PDE4D: variants seen among roughly 807,000 people sequenced by gnomAD.
The protein encoded by PDE4D is phosphodiesterase 4D, also known as 3',5'-cyclic-AMP phosphodiesterase 4D.
A neutral mutation model predicts 87.4 loss-of-function variants in PDE4D; 24 were observed. The ratio of observed to expected loss-of-function variants is 0.27; its 90% confidence interval spans 0.20 to 0.39. The LOEUF is 0.39. PDE4D is among the 10% of genes least tolerant of loss of function. The probability of loss-of-function intolerance (pLI) is 1.00; values close to 1 mark genes in which losing one functional copy is unlikely to be tolerated. For missense variants in PDE4D, 714 were observed against 1,041.0 expected, an observed-to-expected ratio of 0.69 and a Z score of 4.32; for synonymous variants, 384 against 383.2, an observed-to-expected ratio of 1.00 and a Z score of -0.02.
At chr5:60,147,181 G>A (rs557159590) in intron 2 of PDE4D, among the ~76,000 whole-genome samples, 54 of 152,220 alleles carry the variant, frequency 3.5e-4, no homozygotes, top group Non-Finnish European at 4.3e-4. Flanking sequence ...CAGGCAAAGC[G>A]TGAACTCTCT....
chr5:59,106,385 T>C (rs905936092), intron 5 of PDE4D, among the ~76,000 whole-genome samples: 4 of 152,248 alleles, frequency 2.6e-5, no homozygotes, highest in Non-Finnish European at 5.9e-5. Context: ...GATTTCTCAG[T>C]CACTTCTGTA....
chr5:59,726,924 T>C (rs1446548279), intron 1 of PDE4D, among the ~76,000 whole-genome samples: 1 of 152,016 alleles, frequency 6.6e-6, no homozygotes, highest in African/African-American at 2.4e-5. Context: ...TTCAACAGAG[T>C]TGAGCGCCTG....
chr5:60,292,170 A>C (rs928562740), intron 1 of PDE4D, among the ~76,000 whole-genome samples: 49 of 152,180 alleles, frequency 3.2e-4, no homozygotes, highest in African/African-American at 1.2e-3. Context: ...ATAGAAAAAC[A>C]CATTATTTAA....
chr5:59,438,545 T>G (rs1401513991), intron 1 of PDE4D, among the ~76,000 whole-genome samples: 1 of 152,338 alleles, frequency 6.6e-6, no homozygotes, highest in East Asian at 1.9e-4. Flanking sequence ...TACTCTTCAG[T>G]TTGTCTGAAT....
intron 1 of PDE4D, among the ~76,000 whole-genome samples, chr5:60,352,481 GA>G (rs1759287802): frequency 6.6e-6 from 1 of 152,228 alleles, no homozygotes; most frequent in Non-Finnish European, 1.5e-5. Flanking sequence ...GGCCACAAAA[GA>G]GAGTAAAACT....
chr5:60,209,848 A>C (rs1037559346), intron 1 of PDE4D, among the ~76,000 whole-genome samples: 1 of 152,176 alleles, frequency 6.6e-6, no homozygotes, highest in Non-Finnish European at 1.5e-5. Flanking sequence ...TGTTTGCTTT[A>C]AGTTGGGAAA....
At chr5:59,360,221 C>T (rs1424967507) in intron 1 of PDE4D, among the ~76,000 whole-genome samples, 1 of 152,202 alleles carries the variant, frequency 6.6e-6, no homozygotes, top group East Asian at 1.9e-4. Context: ...CAATTACTTG[C>T]GCATCAAGTC....
At chr5:59,551,573 C>A (rs1254020747) in intron 1 of PDE4D, among the ~76,000 whole-genome samples, 2 of 151,714 alleles carry the variant, frequency 1.3e-5, no homozygotes, top group Admixed American at 6.6e-5. Flanking sequence ...GAGCCACCGT[C>A]CTAATTCTTA....
chr5:59,641,312 A>G (rs1263719875), intron 1 of PDE4D, among the ~76,000 whole-genome samples: 1 of 152,218 alleles, frequency 6.6e-6, no homozygotes, highest in African/African-American at 2.4e-5. Context: ...GTACAACTTG[A>G]CAATTACTGC....
chr5:60,375,023 T>A (rs920443059), intron 1 of PDE4D, among the ~76,000 whole-genome samples: 8 of 152,206 alleles, frequency 5.3e-5, no homozygotes, highest in African/African-American at 1.9e-4. Flanking sequence ...GGTAATCTGG[T>A]TCTAGCTCTG....
chr5:59,698,943 A>T (rs762021960), intron 1 of PDE4D, among the ~76,000 whole-genome samples: 3 of 152,182 alleles, frequency 2.0e-5, no homozygotes, highest in Non-Finnish European at 4.4e-5. Context: ...TCACTTGGCC[A>T]TTGGGCTCAA....
chr5:59,126,306 C>A (rs900026546), intron 5 of PDE4D, among the ~76,000 whole-genome samples: 6 of 152,082 alleles, frequency 3.9e-5, no homozygotes, highest in Admixed American at 2.6e-4. Flanking sequence ...AGAGGATAAC[C>A]CAAATTCCTG....
At chr5:59,345,378 T>C (rs561509277) in intron 1 of PDE4D, among the ~76,000 whole-genome samples, 1 of 152,270 alleles carries the variant, frequency 6.6e-6, no homozygotes, top group South Asian at 2.1e-4. Context: ...TATTTATTGG[T>C]TTTTGCTAAC....
intron 1 of PDE4D, among the ~76,000 whole-genome samples, chr5:59,818,117 A>G (rs1481072545): frequency 6.6e-6 from 1 of 152,220 alleles, no homozygotes; most frequent in Non-Finnish European, 1.5e-5. Flanking sequence ...AAGAATGGCA[A>G]CACTCAGGCA....
intron 1 of PDE4D, among the ~76,000 whole-genome samples, chr5:59,448,572 T>G (rs532343876): frequency 6.6e-6 from 1 of 152,202 alleles, no homozygotes; most frequent in Admixed American, 6.5e-5. Flanking sequence ...AAATGTGTTT[T>G]GTTTTGTTTC....
intron 5 of PDE4D, among the ~76,000 whole-genome samples, chr5:59,114,394 T>C (rs41405750): frequency 0.049 from 7,397 of 152,184 alleles, 256 homozygotes; most frequent in East Asian, 0.12. Flanking sequence ...CTGAGATATA[T>C]AAGGAGGCAC....
At chr5:59,699,566 T>G (rs1170647967) in intron 1 of PDE4D, among the ~76,000 whole-genome samples, 1 of 152,090 alleles carries the variant, frequency 6.6e-6, no homozygotes, top group Non-Finnish European at 1.5e-5. Context: ...CAAGCAGACC[T>G]GAGTGTCCAA....
rs149084682 is a variant in PDE4D at position 59,119,730 on chromosome 5, A to C, written c.808+60865T>G. ...CAAATGGAGTAAAAATTATCAGTAG[A>C]GGAAACATTCTATGATCCATTTCAA... On this transcript the variant is annotated intron_variant, in intron 5 of 14. Transcript: ENST00000340635. 4.7e-4 allele frequency among the ~76,000 whole-genome samples: 71 copies of C among 152,342 alleles called. 2 individuals carry two copies. The highest frequency in any genetic ancestry group is 1.6e-3 in the African/African-American group (68 of 41,580).
intron 5 of PDE4D, among the ~76,000 whole-genome samples, chr5:59,050,404 A>G (rs1258198589): frequency 6.6e-6 from 1 of 152,246 alleles, no homozygotes; most frequent in East Asian, 1.9e-4. Flanking sequence ...TTGCATTACA[A>G]GCAACACATA....
Sources: allele counts gnomAD v4.1 joint callset (sites outside exome capture counted in the v4.1 genomes callset), GRCh38; gene constraint gnomAD v4.1.1; transcripts MANE v1.5; gene names NCBI Gene and HGNC (gene_info 2026-07-23, HGNC 2026-07-21).